DEPDC1B: variants seen among roughly 807,000 people sequenced by gnomAD.
The protein encoded by DEPDC1B is DEP domain containing 1B.
DEPDC1B carries 51 observed loss-of-function variants against 66.5 expected under a neutral mutation model. The observed-to-expected ratio is 0.77, with a 90% CI of 0.61 to 0.97. The LOEUF (loss-of-function observed/expected upper bound fraction) is 0.97, where lower values mean the gene tolerates loss of function less well. Ranked by LOEUF, DEPDC1B falls within the 50% of genes least tolerant of loss-of-function variation. DEPDC1B has a pLI of 0.00. For synonymous variants in DEPDC1B, 226 were observed against 223.6 expected (o/e 1.01, Z -0.10); for missense variants, 552 against 637.1 (o/e 0.87, Z 1.44).
intron 2 of DEPDC1B, among the ~76,000 whole-genome samples, chr5:60,664,730 C>T (rs1210759978): frequency 6.6e-6 from 1 of 152,128 alleles, no homozygotes; most frequent in Non-Finnish European, 1.5e-5. Context: ...TCCCCTCACT[C>T]CAGGAACTAG....
At chr5:60,619,335 G>C (rs909182316) in intron 7 of DEPDC1B, among the ~76,000 whole-genome samples, 2 of 152,220 alleles carry the variant, frequency 1.3e-5, no homozygotes, top group Non-Finnish European at 2.9e-5. Context: ...ATTAGGAAAA[G>C]AGGAAGTCAA....
chr5:60,691,087 C>T (rs1022614927), intron 1 of DEPDC1B, among the ~76,000 whole-genome samples: 4 of 150,712 alleles, frequency 2.7e-5, no homozygotes, highest in Admixed American at 6.6e-5. Flanking sequence ...GGAGTCTCAC[C>T]GTATAGTCCA....
chr5:60,649,437 G>T (rs1250851058), intron 2 of DEPDC1B, among the ~76,000 whole-genome samples: 2 of 152,130 alleles, frequency 1.3e-5, no homozygotes, highest in Non-Finnish European at 2.9e-5. Context: ...ACCAATAGAA[G>T]GTGTGCTATC....
chr5:60,696,008 AG>A (rs1165837113), intron 1 of DEPDC1B, among the ~76,000 whole-genome samples: 1 of 152,204 alleles, frequency 6.6e-6, no homozygotes, highest in African/African-American at 2.4e-5. Context: ...CATGTTGGCC[AG>A]GATGGTCTTG....
At chr5:60,622,030 T>A (rs1371421840) in intron 7 of DEPDC1B, among the ~76,000 whole-genome samples, 1 of 149,550 alleles carries the variant, frequency 6.7e-6, no homozygotes, top group Non-Finnish European at 1.5e-5. Flanking sequence ...CATGATGCTT[T>A]AAAAAAAAAA....
intron 2 of DEPDC1B, among the ~76,000 whole-genome samples, chr5:60,684,153 T>C (rs1754358968): frequency 6.6e-6 from 1 of 152,058 alleles, no homozygotes; most frequent in Non-Finnish European, 1.5e-5. Context: ...AAGAATTTAA[T>C]ACTGTTAAAA....
At chr5:60,679,689 C>T (rs1478411856) in intron 2 of DEPDC1B, among the ~76,000 whole-genome samples, 1 of 152,198 alleles carries the variant, frequency 6.6e-6, no homozygotes, top group East Asian at 1.9e-4. Flanking sequence ...AGTTCAACCA[C>T]CCACCAGAGC....
At chr5:60,653,728 A>ATGTGTTTG (rs1561376723) in intron 2 of DEPDC1B, among the ~76,000 whole-genome samples, 1 of 131,766 alleles carries the variant, frequency 7.6e-6, no homozygotes. Flanking sequence ...TGCGATTTTT[A>ATGTGTTTG]TGATTTCAGG....
chr5:60,689,580 A>C (rs1754497547), intron 1 of DEPDC1B, among the ~76,000 whole-genome samples: 1 of 152,228 alleles, frequency 6.6e-6, no homozygotes, highest in African/African-American at 2.4e-5. Context: ...CAAAAATGTT[A>C]AAGGGAAATA....
intron 7 of DEPDC1B, among the ~76,000 whole-genome samples, chr5:60,617,638 C>G (rs1275045908): frequency 6.6e-6 from 1 of 152,178 alleles, no homozygotes. Context: ...ATTCATAAAG[C>G]AAGTCCTTAG....
rs566647506 is a variant in DEPDC1B, at chr5:60,676,147, G to T, written c.314+10815C>A. 1.6e-4 allele frequency among the ~76,000 whole-genome samples: 25 copies of T among 151,544 alleles called. 1 individual carries two copies. The South Asian group carries it at 5.0e-3, about 30-fold the overall frequency. ...GGATTTCACTGTGTTAGCCAGGATG[G>T]TCTCGATCTCCTGACCTCGTGATCT... On this transcript the variant is annotated intron_variant, in intron 2 of 10. Transcript: ENST00000265036.
At chr5:60,637,711 A>T in intron 7 of DEPDC1B, among the ~76,000 whole-genome samples, 1 of 152,206 alleles carries the variant, frequency 6.6e-6, no homozygotes, top group East Asian at 1.9e-4. Context: ...CTCAAAACCC[A>T]GTAATAGGCC....
At chr5:60,655,269 G>C (rs1753551183) in intron 2 of DEPDC1B, among the ~76,000 whole-genome samples, 1 of 148,418 alleles carries the variant, frequency 6.7e-6, no homozygotes, top group Admixed American at 6.7e-5. Flanking sequence ...TTTTATTGTT[G>C]CTGGCTATTT....
At chr5:60,683,535 T>C (rs934416696) in intron 2 of DEPDC1B, among the ~76,000 whole-genome samples, 1 of 152,040 alleles carries the variant, frequency 6.6e-6, no homozygotes, top group Non-Finnish European at 1.5e-5. Flanking sequence ...ACTCAATAGA[T>C]GCAGAAAAAA....
At chr5:60,686,161 C>A (rs1445762211) in intron 2 of DEPDC1B, among the ~76,000 whole-genome samples, 2 of 152,216 alleles carry the variant, frequency 1.3e-5, no homozygotes, top group Non-Finnish European at 2.9e-5. Context: ...GGAATGCCCT[C>A]ACTGAATATG....
rs1753121439 is a variant in DEPDC1B, at chr5:60,638,888, G to A, written c.760C>T (p.Pro254Ser). The A allele has an allele frequency of 6.2e-7, 1 of 1,606,032 alleles. No individual in the cohort carries two copies. The highest frequency in any genetic ancestry group is 8.5e-7 in the Non-Finnish European group (1 of 1,177,872). Residue 254 changes from proline to serine, a missense_variant and splice_region_variant, in exon 7 of 11, where the codon CCC becomes TCC. Physicochemically the swap from Pro to Ser is moderately conservative, Grantham distance 74. Transcript: ENST00000265036. ...GGCTGCTTCAAATCAGAACAGTTGG[G>A]CCCTATTTTCAAAAAGAGAGTGAAA... is the stretch of plus-strand genomic sequence containing the variant. ...LSAMKCLANW[P>S]NCSDLKQPMY... is the part of the protein sequence containing the mutation.
intron 5 of DEPDC1B, among the ~76,000 whole-genome samples, chr5:60,644,172 C>T (rs954801673): frequency 6.6e-6 from 1 of 152,148 alleles, no homozygotes; most frequent in African/African-American, 2.4e-5. Flanking sequence ...TATCAGTACC[C>T]TAACCACATT....
intron 7 of DEPDC1B, among the ~76,000 whole-genome samples, chr5:60,619,018 A>G (rs1341039552): frequency 6.6e-6 from 1 of 152,244 alleles, no homozygotes; most frequent in Non-Finnish European, 1.5e-5. Flanking sequence ...CAGCATATAA[A>G]CAGAACCAAA....
In DEPDC1B at chr5:60,689,727, A is replaced by G. The variant is rs151040524; in HGVS notation, c.49-2500T>C. Among the ~76,000 whole-genome samples the G allele has an allele frequency of 8.3e-4, 126 of 152,206 alleles. 1 individual carries two copies. Among genetic ancestry groups the G allele is most frequent in the African/African-American group, 3.0e-3 (123 of 41,518 alleles). ...TACTTTTAGGGATTCACCATGTAGA[A>G]GCAGAAATATAACGGATTAAAAAGC... On this transcript the variant is annotated intron_variant, in intron 1 of 10. Coordinates refer to ENST00000265036, the MANE Select transcript of DEPDC1B (RefSeq NM_018369.3).
Sources: allele counts gnomAD v4.1 joint callset (sites outside exome capture counted in the v4.1 genomes callset), GRCh38; gene constraint gnomAD v4.1.1; transcripts MANE v1.5; gene names NCBI Gene and HGNC (gene_info 2026-07-23, HGNC 2026-07-21).